Variants in CAPN7 observed in about 807,000 individuals in gnomAD.
CAPN7 encodes the protein calpain-7.
A neutral mutation model predicts 115.2 loss-of-function variants in CAPN7; 72 were observed. That is an observed-to-expected ratio of 0.63 (90% confidence interval 0.52 to 0.76). The LOEUF is 0.76. Among genes scored for constraint, CAPN7 ranks in the 30% least tolerant of loss-of-function variants. The pLI is 0.00. For synonymous variants in CAPN7, 344 were observed against 322.3 expected, an observed-to-expected ratio of 1.07 and a Z score of -0.72; for missense variants, 905 against 971.5, an observed-to-expected ratio of 0.93 and a Z score of 0.91.
rs747821841 is a variant in CAPN7, at chr3:15,206,611, C to G, written c.102+14C>G. ...TTTTATTACAAGGTAGGGCCGGGCC[C>G]GGCGCTTCGGTCGGAGTTGCTCAGT... On this transcript the variant is annotated intron_variant, in intron 1 of 20. Coordinates refer to ENST00000253693, the MANE Select transcript of CAPN7 (RefSeq NM_014296.3). 2 of 1,534,686 alleles carry G rather than the reference C, an allele frequency of 1.3e-6. No homozygotes were observed. Among genetic ancestry groups the G allele is most frequent in the Non-Finnish European group, 1.8e-6 (2 of 1,137,392 alleles).
chr3:15,230,534 A>G lies in CAPN7; in HGVS notation c.1031A>G (p.Lys344Arg). The change falls in exon 9 of 21, where the codon AAG becomes AGG. Residue 344 changes from lysine (K) to arginine (R), a missense_variant and splice_region_variant. Physicochemically the swap from Lys to Arg is conservative, Grantham distance 26 (BLOSUM62 2). Coordinates refer to ENST00000253693, the MANE Select transcript of CAPN7 (RefSeq NM_014296.3). ...VKLHLNGVPR[K>R]VIIDDQLPVD... ...CTTCACCTCAATGGTGTCCCAAGAA[A>G]GGTGAATAATGTCTCTCCCCACTCC... 6.3e-7 allele frequency: 1 copy of G among 1,585,656 alleles called. No homozygotes were observed.
At chr3:15,243,093 C>T (rs748816778) in intron 16 of CAPN7, among the ~76,000 whole-genome samples, 4 of 152,068 alleles carry the variant, frequency 2.6e-5, no homozygotes, top group Admixed American at 6.6e-5. Flanking sequence ...ATGAGAAGAG[C>T]TATGAATAAC....
intron 18 of CAPN7, among the ~76,000 whole-genome samples, chr3:15,247,032 T>C (rs773361014): frequency 1.1e-4 from 17 of 152,208 alleles, no homozygotes; most frequent in Non-Finnish European, 2.4e-4. Flanking sequence ...GCAATGTGGA[T>C]GAACCTTAAA....
In CAPN7 at chr3:15,242,213, G is replaced by A; in HGVS notation, c.1824G>A (p.Met608Ile). 6.2e-7 allele frequency: 1 copy of A among 1,604,446 alleles called. No homozygotes were observed. Among genetic ancestry groups the A allele is most frequent in the South Asian group, 1.1e-5 (1 of 88,346 alleles). Reference protein sequence around the residue: ...DFANNREFITMVVYKTDGKKV... With the variant: ...DFANNREFITIVVYKTDGKKV... ...CGAATAATCGAGAATTTATCACAAT[G>A]GTTGTATACAAGACTGATGGGAAAA... is the stretch of plus-strand genomic sequence containing the variant. Residue 608 changes from methionine (M) to isoleucine (I), a missense_variant, in exon 16 of 21, where the codon ATG becomes ATA. By Grantham distance (10) the Met-to-Ile change is conservative (BLOSUM62 1). Around this residue, in one of 3 missense-constraint regions of CAPN7, gnomAD observed 620 missense variants for 703.4 expected, o/e 0.88. Transcript: ENST00000253693.
chr3:15,232,087 T>C, intron 9 of CAPN7: 1 of 353,678 alleles, frequency 2.8e-6, no homozygotes, highest in Non-Finnish European at 5.4e-6. Flanking sequence ...TTTTGGATTT[T>C]AACAGATTTT....
chr3:15,250,007 C>T (rs1335178292), intron 19 of CAPN7, among the ~76,000 whole-genome samples: 1 of 151,378 alleles, frequency 6.6e-6, no homozygotes, highest in African/African-American at 2.4e-5. Context: ...TTGTGATCCA[C>T]CCACCTCTGC....
chr3:15,209,201 G>A (rs559727989), intron 1 of CAPN7, among the ~76,000 whole-genome samples: 3 of 152,080 alleles, frequency 2.0e-5, no homozygotes, highest in African/African-American at 7.2e-5. Context: ...GTAGAGACCG[G>A]GTTTCTCCAT....
At chr3:15,239,544 G>A (rs1425741642) in intron 12 of CAPN7, among the ~76,000 whole-genome samples, 51 of 152,124 alleles carry the variant, frequency 3.4e-4, no homozygotes, top group Non-Finnish European at 5.6e-4. Flanking sequence ...GAGACAAGAT[G>A]ACTACATTTG....
chr3:15,245,006 T>A (rs1183269051), intron 16 of CAPN7, among the ~76,000 whole-genome samples: 1 of 152,014 alleles, frequency 6.6e-6, no homozygotes, highest in Non-Finnish European at 1.5e-5. Flanking sequence ...GTGGGTACGT[T>A]TGTATTCAAG....
chr3:15,220,483 CTA>C (rs1693912207), intron 4 of CAPN7, among the ~76,000 whole-genome samples: 1 of 152,212 alleles, frequency 6.6e-6, no homozygotes, highest in Non-Finnish European at 1.5e-5. Context: ...CCCTACAAAA[CTA>C]TGAGTACCTT....
In CAPN7 at chr3:15,245,639, G is replaced by GA; in HGVS notation, c.1983dup (p.Gln662ThrfsTer32). 1 of 1,613,694 alleles carries GA rather than the reference G, an allele frequency of 6.2e-7. No homozygotes were observed. The highest frequency in any genetic ancestry group is 8.5e-7 in the Non-Finnish European group (1 of 1,179,878). On this transcript the variant is annotated frameshift_variant, in exon 17 of 21. Coordinates refer to ENST00000253693, the MANE Select transcript of CAPN7 (RefSeq NM_014296.3). LOFTEE classifies it high-confidence loss of function. ...CTTTACATTAGTGGTTTCTCAATATGAAAAACAGAACACAATCCATTACAC... is the reference window on the plus strand; with the variant it reads ...CTTTACATTAGTGGTTTCTCAATATGAAAAAACAGAACACAATCCATTACAC...
intron 2 of CAPN7, among the ~76,000 whole-genome samples, chr3:15,213,834 C>A (rs1282112737): frequency 1.3e-5 from 2 of 151,670 alleles, no homozygotes; most frequent in African/African-American, 4.8e-5. Flanking sequence ...ACACCCCAAT[C>A]TCTTGAAGAA....
intron 12 of CAPN7, among the ~76,000 whole-genome samples, chr3:15,239,887 G>C (rs1360969277): frequency 6.6e-6 from 1 of 152,078 alleles, no homozygotes; most frequent in Non-Finnish European, 1.5e-5. Context: ...GTAGCTAAAG[G>C]GATCAAAGAG....
chr3:15,232,739 T>C (rs1694766098), intron 10 of CAPN7, 74 bp downstream of exon 10: 4 of 1,306,256 alleles, frequency 3.1e-6, no homozygotes, highest in African/African-American at 3.1e-5. Context: ...TGAAAAATTC[T>C]AGATAGTCTT....
intron 10 of CAPN7, 78 bp from the exon 11 acceptor site, chr3:15,233,789 G>A: frequency 1.3e-6 from 1 of 757,630 alleles, no homozygotes; most frequent in Non-Finnish European, 2.3e-6. Context: ...TGCCAAATCA[G>A]TGAGATGTAA....
intron 6 of CAPN7, among the ~76,000 whole-genome samples, chr3:15,225,138 T>G (rs1467059453): frequency 1.3e-5 from 2 of 152,228 alleles, no homozygotes; most frequent in African/African-American, 4.8e-5. Flanking sequence ...TGCTGTTATA[T>G]AGCAAGCACT....
chr3:15,226,534 A>AT (rs938079885), intron 6 of CAPN7, among the ~76,000 whole-genome samples: 3 of 152,042 alleles, frequency 2.0e-5, no homozygotes, highest in African/African-American at 4.8e-5. Flanking sequence ...ATTTGCATTA[A>AT]TTTTTTCTCC....
intron 19 of CAPN7, among the ~76,000 whole-genome samples, chr3:15,250,390 CGGGCG>C (rs1465680732): frequency 6.6e-6 from 1 of 151,812 alleles, no homozygotes; most frequent in African/African-American, 2.4e-5. Context: ...AAAAAGAGGT[CGGGCG>C]CAGTGGCTCA....
intron 19 of CAPN7, 113 bp downstream of exon 19, chr3:15,247,570 A>G: frequency 2.7e-6 from 2 of 754,502 alleles, no homozygotes; most frequent in South Asian, 2.6e-5. Context: ...ATTTATAACA[A>G]TGGCATTATA....
Sources: allele counts gnomAD v4.1 joint callset (sites outside exome capture counted in the v4.1 genomes callset), GRCh38; gene constraint gnomAD v4.1.1; regional missense constraint gnomAD v4.1.1; transcripts MANE v1.5; gene names NCBI Gene and HGNC (gene_info 2026-07-23, HGNC 2026-07-21).